Variants in KLHL22 observed in about 807,000 individuals in gnomAD.
KLHL22 encodes kelch like family member 22, also known as kelch-like protein 22.
Under a neutral mutation model 60.7 loss-of-function variants are expected in KLHL22, and 18 were observed. That is an observed-to-expected ratio of 0.30 (90% CI 0.20 to 0.44). KLHL22 has a LOEUF of 0.44. Among genes scored for constraint, KLHL22 ranks in the 20% least tolerant of loss-of-function variants. The pLI, the probability that KLHL22 is intolerant of heterozygous loss-of-function variation, is 1.00. For missense variants in KLHL22, 596 were observed against 852.3 expected (o/e 0.70, Z 3.74); for synonymous variants, 355 against 354.5 (o/e 1.00, Z -0.01).
At chr22:20,451,858 A>G in intron 5 of KLHL22, 1 of 1,574,232 alleles carries the variant, frequency 6.4e-7, no homozygotes, top group Non-Finnish European at 8.7e-7. Flanking sequence ...GCTAGTGACC[A>G]GTCCAGTGGA....
chr22:20,464,367 C>T (rs1035492524), intron 4 of KLHL22, among the ~76,000 whole-genome samples: 1 of 152,198 alleles, frequency 6.6e-6, no homozygotes, highest in African/African-American at 2.4e-5. Flanking sequence ...GGCACAGCAG[C>T]AGGAAGCCTG....
chr22:20,445,573 GTTGTT>G (rs1181706746), intron 6 of KLHL22, among the ~76,000 whole-genome samples: 14 of 152,092 alleles, frequency 9.2e-5, no homozygotes, highest in African/African-American at 3.1e-4. Flanking sequence ...GTTTTGTTCT[GTTGTT>G]TTGTTTTATT....
intron 6 of KLHL22, among the ~76,000 whole-genome samples, chr22:20,444,615 T>C (rs1408283796): frequency 6.6e-6 from 1 of 152,074 alleles, no homozygotes; most frequent in Non-Finnish European, 1.5e-5. Flanking sequence ...AAGGAAATAA[T>C]CCAAAATACC....
rs1456099263 is a variant in KLHL22 at position 20,444,063 on chromosome 22, AAAAG to A, written c.1540-1629_1540-1626del. Reference sequence around the variant, plus strand: ...AAGACTCCATCTCATAAAAAAAAAAAAAAGAAAAAAAGGAAGGGTAAAGCCAGAC... The same window carrying A: ...AAGACTCCATCTCATAAAAAAAAAAAAAAAAAAGGAAGGGTAAAGCCAGAC... On this transcript the variant is annotated intron_variant, in intron 6 of 6. Transcript: ENST00000328879. Among the ~76,000 whole-genome samples the A allele has an allele frequency of 9.4e-3, 1,352 of 143,648 alleles. 19 individuals are homozygous for A. Among genetic ancestry groups the A allele is most frequent in the South Asian group, 0.021 (99 of 4,624 alleles). 94.2% of individuals were successfully genotyped at this position (143,648 alleles called of 152,430 possible). A position where few individuals can be genotyped will look rare whatever the true frequency, so the allele number is the denominator to read the frequency against.
Position 20,465,237 on chromosome 22 carries a change from G to A in KLHL22, c.733C>T (p.Arg245Trp), listed in dbSNP as rs747088998. The A allele has an allele frequency of 1.9e-6, 3 of 1,613,836 alleles. No individual in the cohort carries two copies. Among genetic ancestry groups the A allele is most frequent in the Non-Finnish European group, 1.7e-6 (2 of 1,179,996 alleles). ...HEPPKLLETV[R>W]FPLMEAEVLQ... ...ACCTCAGCTTCCATCAGCGGAAACC[G>A]CACTGTCTCAAGGAGCTTTGGGGGC... The change falls in exon 4 of 7, where the codon CGG becomes TGG. Residue 245 changes from arginine (R) to tryptophan (W), a missense_variant. Transcript: ENST00000328879. The surrounding 1 kb of genome is among the most constrained non-coding windows in gnomAD (Gnocchi z 4.9).
chr22:20,455,560 A>T (rs903487457), intron 5 of KLHL22, among the ~76,000 whole-genome samples: 1 of 152,152 alleles, frequency 6.6e-6, no homozygotes, highest in Non-Finnish European at 1.5e-5. Context: ...GACCTCTGAG[A>T]CATGTTAACC....
chr22:20,465,665 T>A lies in KLHL22; in HGVS notation c.394-89A>T. ...GAATGATGGCAGAAATACGGGCTGTTGTGGGCCAGGCAAAGCAGAAGGGAA... is the reference window on the plus strand; with the variant it reads ...GAATGATGGCAGAAATACGGGCTGTAGTGGGCCAGGCAAAGCAGAAGGGAA... On this transcript the variant is annotated intron_variant, in intron 3 of 6. Coordinates refer to ENST00000328879, the MANE Select transcript of KLHL22 (RefSeq NM_032775.4). The surrounding 1 kb of genome is among the most constrained non-coding windows in gnomAD (Gnocchi z 4.9). 1 of 774,416 alleles carries A rather than the reference T, an allele frequency of 1.3e-6. No homozygotes were observed. 48.0% of individuals were successfully genotyped at this position (774,416 alleles called of 1,614,324 possible).
In KLHL22 at chr22:20,495,469, G is replaced by C. The variant is rs1017717751; in HGVS notation, c.-34+291C>G. On this transcript the variant is annotated intron_variant, in intron 1 of 6. Transcript: ENST00000328879. The surrounding 1 kb of genome is among the most constrained non-coding windows in gnomAD (Gnocchi z 4.6). ...AACAGGGCCCGCCCGGGTGCCAGGA[G>C]GCCGGCGCGCCAGCAGCCGCGCTGA... Among the ~76,000 whole-genome samples the C allele has an allele frequency of 7.2e-5, 11 of 151,984 alleles. No homozygotes were observed. Among genetic ancestry groups the C allele is most frequent in the Non-Finnish European group, 4.4e-5 (3 of 67,970 alleles).
intron 5 of KLHL22, chr22:20,450,390 T>C (rs190699278): frequency 3.4e-6 from 5 of 1,460,992 alleles, no homozygotes; most frequent in Admixed American, 3.3e-5. Context: ...TTGGACTTTG[T>C]GTACACGGAA....
At chr22:20,492,242 C>T (rs548896365) in intron 1 of KLHL22, among the ~76,000 whole-genome samples, 2 of 152,192 alleles carry the variant, frequency 1.3e-5, no homozygotes, top group African/African-American at 4.8e-5. Flanking sequence ...ACCCATGTGC[C>T]CTATGAACCT....
At chr22:20,469,517 G>A (rs2053281596) in intron 3 of KLHL22, among the ~76,000 whole-genome samples, 1 of 152,158 alleles carries the variant, frequency 6.6e-6, no homozygotes, top group African/African-American at 2.4e-5. Flanking sequence ...GGTTCCCAAA[G>A]CAACAATGAC....
chr22:20,444,847 C>A (rs1352805351), intron 6 of KLHL22, among the ~76,000 whole-genome samples: 1 of 149,200 alleles, frequency 6.7e-6, no homozygotes, highest in Non-Finnish European at 1.5e-5. Context: ...TGCAGTGGCA[C>A]CATCACGGTT....
chr22:20,445,594 T>C (rs2052846441), intron 6 of KLHL22, among the ~76,000 whole-genome samples: 1 of 152,224 alleles, frequency 6.6e-6, no homozygotes, highest in Non-Finnish European at 1.5e-5. Context: ...TTATTTTGTT[T>C]TGAATAGAGA....
chr22:20,458,639 G>A (rs1027621724), intron 4 of KLHL22, among the ~76,000 whole-genome samples: 2 of 151,798 alleles, frequency 1.3e-5, no homozygotes, highest in Non-Finnish European at 2.9e-5. Context: ...CTGGATGGGT[G>A]CCATCAGCCC....
At chr22:20,450,462 G>A (rs371032360) in intron 5 of KLHL22, 1 of 1,609,044 alleles carries the variant, frequency 6.2e-7, no homozygotes, top group Non-Finnish European at 8.5e-7. Context: ...TGCTTCAGTT[G>A]AAAGGTGTGA....
chr22:20,480,075 G>A (rs1161686925), intron 2 of KLHL22, among the ~76,000 whole-genome samples: 1 of 152,112 alleles, frequency 6.6e-6, no homozygotes, highest in African/African-American at 2.4e-5. Flanking sequence ...TTAAGGACAC[G>A]ATGCCAAATG....
At chr22:20,466,037 C>A (rs2053229568) in intron 3 of KLHL22, among the ~76,000 whole-genome samples, 1 of 152,062 alleles carries the variant, frequency 6.6e-6, no homozygotes, top group Admixed American at 6.5e-5. Flanking sequence ...TGAGAGAGCA[C>A]ATAGGAGTGG....
intron 1 of KLHL22, chr22:20,491,043 T>C (rs987403930): frequency 2.0e-5 from 3 of 152,202 alleles, no homozygotes; most frequent in African/African-American, 7.2e-5. Context: ...GATCCCCTTC[T>C]TGGGTTCAAC....
At position 20,464,936 on chromosome 22, in the gene KLHL22, G is replaced by C. The variant is rs754900177; in HGVS notation, c.1034C>G (p.Ala345Gly). Residue 345 changes from alanine (A) to glycine (G), a missense_variant, in exon 4 of 7, where the codon GCG becomes GGG. Transcript: ENST00000328879. ...CAAGTATACGAAGTTGTTGAGCACCGCGATGCCCTGGTTGGACATGCGGGG... is the reference window on the plus strand; with the variant it reads ...CAAGTATACGAAGTTGTTGAGCACCCCGATGCCCTGGTTGGACATGCGGGG... The part of the protein sequence containing the change: ...LAPRMSNQGI[A>G]VLNNFVYLIG... The C allele has an allele frequency of 1.3e-6, 2 of 1,595,888 alleles. No homozygotes were observed. Among genetic ancestry groups the C allele is most frequent in the Admixed American group, 3.5e-5 (2 of 57,632 alleles).
Sources: gnomAD v4.1 joint callset for allele counts (sites outside exome capture counted in the v4.1 genomes callset) on GRCh38, gnomAD v4.1.1 for gene constraint, Gnocchi (gnomAD v3.1) non-coding constraint, MANE v1.5 for transcripts, NCBI Gene and HGNC (gene_info 2026-07-23, HGNC 2026-07-21) for gene names.